The following NSMCE2 variants were observed in gnomAD, a reference collection of about 807,000 sequenced individuals.
The protein encoded by NSMCE2 is E3 SUMO-protein ligase NSE2.
NSMCE2 carries 24 observed loss-of-function variants against 23.8 expected under a neutral mutation model. The observed-to-expected ratio is 1.01, with a 90% CI of 0.73 to 1.42. The LOEUF is 1.42. Among genes scored for constraint, NSMCE2 ranks in the 40% most tolerant of loss-of-function variants. The pLI is 0.00. For missense variants in NSMCE2, 284 were observed against 296.5 expected (o/e 0.96, Z 0.31); for synonymous variants, 92 against 94.1 (o/e 0.98, Z 0.13).
chr8:125,138,315 C>G (rs1356643852), intron 3 of NSMCE2, among the ~76,000 whole-genome samples: 2 of 152,134 alleles, frequency 1.3e-5, no homozygotes, highest in Admixed American at 6.6e-5. Context: ...CCTTGAATTC[C>G]TGGTTTCAAG....
intron 5 of NSMCE2, among the ~76,000 whole-genome samples, chr8:125,218,707 C>T (rs1370462654): frequency 2.0e-5 from 3 of 151,994 alleles, no homozygotes; most frequent in East Asian, 1.9e-4. Context: ...CCACTGCGCC[C>T]GGCCAAAAGT....
intron 3 of NSMCE2, among the ~76,000 whole-genome samples, chr8:125,144,576 G>C (rs1385954838): frequency 6.6e-6 from 1 of 152,182 alleles, no homozygotes; most frequent in Non-Finnish European, 1.5e-5. Flanking sequence ...ACATCTCTTA[G>C]TCACAAAGGA....
At chr8:125,337,902 A>AG (rs1268722204) in intron 5 of NSMCE2, among the ~76,000 whole-genome samples, 9,726 of 146,610 alleles carry the variant, frequency 0.066, 428 homozygotes, top group Non-Finnish European at 0.1. Context: ...AAAAAAAAAA[A>AG]AAAGAAAGAA....
intron 5 of NSMCE2, among the ~76,000 whole-genome samples, chr8:125,218,191 G>A (rs190779274): frequency 6.6e-6 from 1 of 152,232 alleles, no homozygotes; most frequent in African/African-American, 2.4e-5. Context: ...AACCTGTACT[G>A]AGAAAGCAGA....
At chr8:125,218,472 C>T (rs1253542689) in intron 5 of NSMCE2, among the ~76,000 whole-genome samples, 1 of 149,292 alleles carries the variant, frequency 6.7e-6, no homozygotes, top group Non-Finnish European at 1.5e-5. Context: ...AGTGCAGTGG[C>T]ACGATCTTGG....
intron 4 of NSMCE2, among the ~76,000 whole-genome samples, chr8:125,162,219 TA>T (rs978059179): frequency 9.2e-5 from 14 of 152,230 alleles, no homozygotes; most frequent in African/African-American, 1.4e-4. Context: ...AGGAAGTTGG[TA>T]AAAAAAATTT....
At chr8:125,240,714 A>T (rs1825735240) in intron 5 of NSMCE2, among the ~76,000 whole-genome samples, 1 of 149,102 alleles carries the variant, frequency 6.7e-6, no homozygotes, top group African/African-American at 2.5e-5. Flanking sequence ...TGTAATGGTT[A>T]TTTTTTTTTT....
chr8:125,095,882 CAA>C lies in NSMCE2; in HGVS notation c.-111+3942_-111+3943del, dbSNP rs1174381155. On this transcript the variant is annotated intron_variant, in intron 1 of 7. Transcript: ENST00000287437. ...GAGGGACAAGAGCAAAACTCCATCT[CAA>C]AAAAAAAAAAAAAAAAAGAAAAGAA... 5.8e-3 allele frequency among the ~76,000 whole-genome samples: 381 copies of C among 65,656 alleles called. 3 individuals are homozygous for C. The highest frequency in any genetic ancestry group is 0.018 in the African/African-American group (359 of 19,800). The allele number at this position is 65,656 out of a possible 152,430, so 43.1% of individuals were successfully genotyped here. A position where few individuals can be genotyped will look rare whatever the true frequency, so the allele number is the denominator to read the frequency against.
chr8:125,306,709 T>C (rs569917543), intron 5 of NSMCE2, among the ~76,000 whole-genome samples: 2 of 152,328 alleles, frequency 1.3e-5, no homozygotes, highest in South Asian at 2.1e-4. Context: ...TATCTTGATA[T>C]CCAGTCTTCA....
intron 5 of NSMCE2, among the ~76,000 whole-genome samples, chr8:125,298,579 G>A (rs1828419103): frequency 6.6e-6 from 1 of 151,020 alleles, no homozygotes; most frequent in Non-Finnish European, 1.5e-5. Context: ...CTCCACTTTT[G>A]TTTCCTTATC....
intron 5 of NSMCE2, among the ~76,000 whole-genome samples, chr8:125,240,380 C>T (rs1825725121): frequency 6.6e-6 from 1 of 152,182 alleles, no homozygotes; most frequent in Non-Finnish European, 1.5e-5. Flanking sequence ...GCCTTGGCCT[C>T]CCAAAGTGTT....
chr8:125,297,548 C>A (rs1828378422), intron 5 of NSMCE2, among the ~76,000 whole-genome samples: 1 of 151,946 alleles, frequency 6.6e-6, no homozygotes. Context: ...AGGGTGAAAT[C>A]TCTTAATTAA....
At chr8:125,138,647 T>C (rs1361257210) in intron 3 of NSMCE2, among the ~76,000 whole-genome samples, 3 of 152,190 alleles carry the variant, frequency 2.0e-5, no homozygotes, top group Admixed American at 2.0e-4. Flanking sequence ...CTTTTTATTC[T>C]GAAGTTCATC....
At chr8:125,156,618 T>G (rs1437821142) in intron 4 of NSMCE2, among the ~76,000 whole-genome samples, 5 of 152,220 alleles carry the variant, frequency 3.3e-5, no homozygotes, top group African/African-American at 1.2e-4. Context: ...AGTGTGGTTT[T>G]TCACTTGATA....
rs543311714 is a variant in NSMCE2, at chr8:125,197,623, A to T, written c.418+15367A>T. Among the ~76,000 whole-genome samples the T allele has an allele frequency of 5.3e-5, 8 of 152,120 alleles. 1 individual carries two copies. The South Asian group carries it at 1.7e-3, about 32-fold the overall frequency. On this transcript the variant is annotated intron_variant, in intron 5 of 7. Transcript: ENST00000287437. Reference sequence around the variant, plus strand: ...TAGCCTTGTAGTATAGTTCGAAGTCAGGTAGCCCACAGCTTTGTTCTTTTT... The same window carrying T: ...TAGCCTTGTAGTATAGTTCGAAGTCTGGTAGCCCACAGCTTTGTTCTTTTT...
intron 5 of NSMCE2, among the ~76,000 whole-genome samples, chr8:125,284,701 A>T (rs114161746): frequency 0.01 from 1,539 of 151,070 alleles, 35 homozygotes; most frequent in African/African-American, 0.035. Flanking sequence ...CTGAATCTAA[A>T]GAGAGGGCTT....
chr8:125,159,730 T>C (rs1423504668), intron 4 of NSMCE2, among the ~76,000 whole-genome samples: 3 of 152,056 alleles, frequency 2.0e-5, no homozygotes, highest in Admixed American at 6.6e-5. Context: ...AATTGCTCAG[T>C]TGGTGGATCA....
chr8:125,130,775 G>A (rs1819736453), intron 3 of NSMCE2, among the ~76,000 whole-genome samples: 1 of 152,152 alleles, frequency 6.6e-6, no homozygotes, highest in South Asian at 2.1e-4. Context: ...TATCTTCAAC[G>A]CTAATCTAGT....
At chr8:125,137,109 A>G (rs1820107365) in intron 3 of NSMCE2, among the ~76,000 whole-genome samples, 1 of 152,102 alleles carries the variant, frequency 6.6e-6, no homozygotes, top group African/African-American at 2.4e-5. Flanking sequence ...TCCAACAATA[A>G]TCATAGAAAT....
Sources: allele counts gnomAD v4.1 joint callset (sites outside exome capture counted in the v4.1 genomes callset), GRCh38; gene constraint gnomAD v4.1.1; transcripts MANE v1.5; gene names NCBI Gene and HGNC (gene_info 2026-07-23, HGNC 2026-07-21).